Variants in NFIB observed in about 807,000 individuals in gnomAD.
The protein encoded by NFIB is nuclear factor 1 B-type.
Under a neutral mutation model 61.5 loss-of-function variants are expected in NFIB, and 11 were observed. That is an observed-to-expected ratio of 0.18 (90% CI 0.11 to 0.30). The LOEUF is 0.30. Ranked by LOEUF, NFIB falls within the 10% of genes least tolerant of loss-of-function variation. The pLI, the probability that NFIB is intolerant of heterozygous loss-of-function variation, is 1.00. For missense variants in NFIB, 471 were observed against 608.9 expected, an observed-to-expected ratio of 0.77 and a Z score of 2.38; for synonymous variants, 260 against 216.5, an observed-to-expected ratio of 1.20 and a Z score of -1.76.
chr9:14,378,089 A>C (rs1391622942), intron 1 of NFIB, among the ~76,000 whole-genome samples: 1 of 152,212 alleles, frequency 6.6e-6, no homozygotes, highest in Non-Finnish European at 1.5e-5. Flanking sequence ...TGTCTGGATG[A>C]GACATTGGCT....
At chr9:14,485,986 A>G in the NFIB span, among the ~76,000 whole-genome samples, 5 of 152,234 alleles carry the variant, frequency 3.3e-5, no homozygotes, top group South Asian at 1.0e-3. Context: ...CATATAAAAT[A>G]GTGCTATAAG....
rs61207268 is a variant in NFIB, at chr9:14,226,091, A to AT, written c.563-46312dup. On this transcript the variant is annotated intron_variant, in intron 2 of 10. Coordinates refer to ENST00000380953, the MANE Select transcript of NFIB (RefSeq NM_001190737.2). ...GTATGTACTATACATTTTAAAGAGCATTTTTTTTTTTCTAAAATCTAAATG... is the reference window on the plus strand; with the variant it reads ...GTATGTACTATACATTTTAAAGAGCATTTTTTTTTTTTCTAAAATCTAAATG... Among the ~76,000 whole-genome samples, 912 of 147,660 alleles carry AT rather than the reference A, an allele frequency of 6.2e-3. 3 individuals carry two copies. The highest frequency in any genetic ancestry group is 0.012 in the South Asian group (56 of 4,670).
chr9:14,470,946 A>C, the NFIB span, among the ~76,000 whole-genome samples: 1 of 152,240 alleles, frequency 6.6e-6, no homozygotes, highest in African/African-American at 2.4e-5. Flanking sequence ...AAGGAAACAG[A>C]AATGATGAGG....
chr9:14,321,808 A>T (rs1467171813), intron 1 of NFIB: 4 of 1,067,880 alleles, frequency 3.7e-6, no homozygotes, highest in African/African-American at 3.3e-5. Context: ...AACAAAAATG[A>T]CATTTAGGAA....
At chr9:14,292,566 A>T (rs1174883630) in intron 2 of NFIB, among the ~76,000 whole-genome samples, 2 of 152,234 alleles carry the variant, frequency 1.3e-5, no homozygotes, top group East Asian at 1.9e-4. Context: ...TAGAGCTAAC[A>T]GGGATAGTGG....
chr9:14,316,079 C>A (rs1221385753), upstream of NFIB, among the ~76,000 whole-genome samples: 63 of 152,306 alleles, frequency 4.1e-4, no homozygotes, highest in Non-Finnish European at 7.3e-5. Flanking sequence ...TCCCCTCTTC[C>A]CTCCCCCAGC....
At chr9:14,417,803 G>A in the NFIB span, among the ~76,000 whole-genome samples, 164 of 114,058 alleles carry the variant, frequency 1.4e-3, no homozygotes, top group African/African-American at 4.9e-3. Context: ...TTTTTGAGAC[G>A]GAGTTTCACT....
chr9:14,186,416 T>A (rs1010874615), intron 2 of NFIB, among the ~76,000 whole-genome samples: 4 of 152,154 alleles, frequency 2.6e-5, no homozygotes, highest in Admixed American at 2.6e-4. Flanking sequence ...TCTTTCTCTC[T>A]AAAACATTAT....
chr9:14,424,983 C>G, the NFIB span, among the ~76,000 whole-genome samples: 16 of 152,200 alleles, frequency 1.1e-4, no homozygotes, highest in Admixed American at 1.3e-4. Flanking sequence ...AATCTCCCCC[C>G]CTGGGCCTTT....
At chr9:14,428,070 T>C in the NFIB span, among the ~76,000 whole-genome samples, 2 of 147,638 alleles carry the variant, frequency 1.4e-5, no homozygotes, top group African/African-American at 4.9e-5. Context: ...CTCAGCTTCC[T>C]GAGTAGCTGG....
chr9:14,120,897 A>G lies in NFIB; in HGVS notation c.1061-273T>C, dbSNP rs1387586516. On this transcript the variant is annotated intron_variant, in intron 7 of 10. Transcript: ENST00000380953. This position sits in a 1 kb window ranked among gnomAD's most constrained non-coding sequence, Gnocchi z 4.4. Reference sequence around the variant, plus strand: ...GTTACAAAATCAGTTTCTCTTTTATAGGTTATGTCAATACTTGATAAAACA... The same window carrying G: ...GTTACAAAATCAGTTTCTCTTTTATGGGTTATGTCAATACTTGATAAAACA... 6.6e-6 allele frequency among the ~76,000 whole-genome samples: 1 copy of G among 152,210 alleles called. No homozygotes were observed. Among genetic ancestry groups the G allele is most frequent in the African/African-American group, 2.4e-5 (1 of 41,458 alleles).
intron 2 of NFIB, among the ~76,000 whole-genome samples, chr9:14,257,151 T>C (rs923226703): frequency 6.6e-6 from 1 of 152,182 alleles, no homozygotes; most frequent in African/African-American, 2.4e-5. Flanking sequence ...CTTGGTTAAG[T>C]TGGTTAACAC....
chr9:14,530,933 AAAAG>A, the NFIB span, among the ~76,000 whole-genome samples: 4 of 152,208 alleles, frequency 2.6e-5, no homozygotes, highest in Admixed American at 6.5e-5. Flanking sequence ...AGAAAATGAG[AAAAG>A]AAAGTAAATG....
rs371997260 is a variant in NFIB, at chr9:14,235,274, T to G, written c.563-55494A>C. Among the ~76,000 whole-genome samples, 8 of 152,316 alleles carry G rather than the reference T, an allele frequency of 5.3e-5. No homozygotes were observed. The East Asian group carries it at 1.3e-3, about 26-fold the overall frequency. ...TGTTCAAAGGACATCATTTAAAACT[T>G]GGGAGGCAAACTGATAGAGGAGAAT... On this transcript the variant is annotated intron_variant, in intron 2 of 10. Transcript: ENST00000380953.
At chr9:14,472,348 C>A in the NFIB span, among the ~76,000 whole-genome samples, 462 of 152,212 alleles carry the variant, frequency 3.0e-3, no homozygotes, top group African/African-American at 0.01. Context: ...AGACCAGTGT[C>A]CATCTACAAA....
At chr9:14,204,766 T>C (rs867953142) in intron 2 of NFIB, 8 of 534,130 alleles carry the variant, frequency 1.5e-5, no homozygotes, top group Non-Finnish European at 2.7e-5. Flanking sequence ...CTGCCCTGTG[T>C]CGTAAAATGG....
chr9:14,470,637 C>T, the NFIB span, among the ~76,000 whole-genome samples: 14 of 152,178 alleles, frequency 9.2e-5, no homozygotes, highest in African/African-American at 1.2e-4. Flanking sequence ...AGAGAGGGCA[C>T]GAGCAGACAC....
At chr9:14,129,073 T>C (rs1054143957) in intron 6 of NFIB, among the ~76,000 whole-genome samples, 5 of 152,102 alleles carry the variant, frequency 3.3e-5, no homozygotes, top group African/African-American at 1.2e-4. Flanking sequence ...TCATAGAGGA[T>C]TATACAGACC....
chr9:14,463,626 G>A, the NFIB span, among the ~76,000 whole-genome samples: 1 of 148,962 alleles, frequency 6.7e-6, no homozygotes, highest in African/African-American at 2.5e-5. Context: ...GATGCTATTC[G>A]GATCATTTAC....
Sources: gnomAD v4.1 joint callset for allele counts (sites outside exome capture counted in the v4.1 genomes callset) on GRCh38, gnomAD v4.1.1 for gene constraint, Gnocchi (gnomAD v3.1) non-coding constraint, MANE v1.5 for transcripts, NCBI Gene and HGNC (gene_info 2026-07-23, HGNC 2026-07-21) for gene names.